The following ZDBF2 variants were observed in gnomAD, a reference collection of about 807,000 sequenced individuals.
ZDBF2 encodes zinc finger DBF-type containing 2.
A neutral mutation model predicts 9.4 loss-of-function variants in ZDBF2; 6 were observed. The observed-to-expected ratio is 0.64, with a 90% CI of 0.35 to 1.27. The LOEUF is 1.27. ZDBF2 is among the 50% of genes most tolerant of loss of function. ZDBF2 has a pLI of 0.03. For missense variants in ZDBF2, 2,697 were observed against 2,766.8 expected, an observed-to-expected ratio of 0.97 and a Z score of 0.57; for synonymous variants, 905 against 946.3, an observed-to-expected ratio of 0.96 and a Z score of 0.80.
chr2:206,277,506 AAAAT>A (rs1691080958), intron 1 of ZDBF2, among the ~76,000 whole-genome samples: 1 of 152,128 alleles, frequency 6.6e-6, no homozygotes, highest in Non-Finnish European at 1.5e-5. Flanking sequence ...ATTTTTATGA[AAAAT>A]AAATAGAATG....
At position 206,297,285 on chromosome 2, in the gene ZDBF2, AGT is replaced by A. The variant is rs1559142151; in HGVS notation, c.101_102del (p.Ser34LysfsTer8). On this transcript the variant is annotated frameshift_variant, in exon 4 of 5. Transcript: ENST00000374423. LOFTEE classifies it high-confidence loss of function. ...TCAGCACAGGAGTTTGACCAGACAGAGTAGACGTCAAATATGTACCAGTAGTT... is the reference window on the plus strand; with the variant it reads ...TCAGCACAGGAGTTTGACCAGACAGAAGACGTCAAATATGTACCAGTAGTT... ...SAQHRSLTRQ[S>X]RRQICTSSLM... is the part of the protein sequence containing the mutation. 1 of 1,567,892 alleles carries A rather than the reference AGT, an allele frequency of 6.4e-7. No individual in the cohort carries two copies. Among genetic ancestry groups the A allele is most frequent in the Non-Finnish European group, 8.8e-7 (1 of 1,137,828 alleles).
rs771519532 is a variant in ZDBF2 at position 206,310,508 on chromosome 2, G to A, written c.5980G>A (p.Ala1994Thr). ...KVKIGTVEFP[A>T]SCTKVLKPMQ... The stretch of plus-strand genomic sequence containing the variant: ...CAAAATTGGGACAGTTGAATTTCCT[G>A]CATCATGTACTAAAGTTTTGAAGCC... The change falls in exon 5 of 5, where the codon GCA becomes ACA. Residue 1994 changes from alanine (A) to threonine (T), a missense_variant. By Grantham distance (58) the Ala-to-Thr change is moderately conservative. Around this residue, in one of 3 missense-constraint regions of ZDBF2, gnomAD observed 1,783 missense variants for 1,776.5 expected, o/e 1.00. Transcript: ENST00000374423. The A allele has an allele frequency of 1.2e-6, 2 of 1,613,424 alleles. No individual in the cohort carries two copies. Among genetic ancestry groups the A allele is most frequent in the East Asian group, 4.5e-5 (2 of 44,882 alleles).
At chr2:206,289,654 G>A (rs939675194) in intron 3 of ZDBF2, among the ~76,000 whole-genome samples, 13 of 152,320 alleles carry the variant, frequency 8.5e-5, no homozygotes, top group South Asian at 2.1e-4. Context: ...TTGCAAGATG[G>A]TGTAGCCACA....
Position 206,309,102 on chromosome 2 carries a change from T to C in ZDBF2, c.4574T>C (p.Val1525Ala), listed in dbSNP as rs1692992933. The C allele has an allele frequency of 6.2e-7, 1 of 1,613,896 alleles. No homozygotes were observed. Among genetic ancestry groups the C allele is most frequent in the Non-Finnish European group, 8.5e-7 (1 of 1,179,870 alleles). Residue 1525 changes from valine (V) to alanine (A), a missense_variant, in exon 5 of 5, where the codon GTG (valine) becomes GCG (alanine). By Grantham distance (64) the Val-to-Ala change is moderately conservative (BLOSUM62 0). Around this residue, in one of 3 missense-constraint regions of ZDBF2, gnomAD observed 1,783 missense variants for 1,776.5 expected, o/e 1.00. Coordinates refer to ENST00000374423, the MANE Select transcript of ZDBF2 (RefSeq NM_020923.3). ...GSVKETHLPKVVLVDLVPGDS... is the reference protein window; with the variant it reads ...GSVKETHLPKAVLVDLVPGDS... ...GTCAAAGAAACCCACCTTCCAAAGG[T>C]GGTACTTGTGGATCTGGTGCCCGGT...
intron 4 of ZDBF2, 35 bp from the exon 5 acceptor site, chr2:206,304,682 G>T (rs1418480026): frequency 2.6e-6 from 4 of 1,556,132 alleles, no homozygotes; most frequent in Non-Finnish European, 3.5e-6. Context: ...ACAGACATTA[G>T]AATATGTTTA....
In ZDBF2 at chr2:206,309,203, GATATCAGCTGTATAAATACAGAAT is replaced by G. The variant is rs1559158558; in HGVS notation, c.4676_4699del (p.Asp1559_Cys1567delinsGly). 2 of 1,607,406 alleles carry G rather than the reference GATATCAGCTGTATAAATACAGAAT, an allele frequency of 1.2e-6. No individual in the cohort carries two copies. The highest frequency in any genetic ancestry group is 1.7e-5 in the Admixed American group (1 of 58,800). ...TGACCCACCTCAGTTGACTGTCAAAGATATCAGCTGTATAAATACAGAATGTATTGATATAGAAGATAAGAGCTG... is the reference window on the plus strand; with the variant it reads ...TGACCCACCTCAGTTGACTGTCAAAGGTATTGATATAGAAGATAAGAGCTG... On this transcript the variant is annotated inframe_deletion, in exon 5 of 5. Transcript: ENST00000374423.
chr2:206,312,328 T>C lies in ZDBF2; in HGVS notation c.*735T>C, dbSNP rs1693234865. The C allele has an allele frequency of 6.6e-6, 1 of 152,200 alleles. No individual in the cohort carries two copies. Among genetic ancestry groups the C allele is most frequent in the South Asian group, 2.1e-4 (1 of 4,826 alleles). 9.4% of individuals were successfully genotyped at this position (152,200 alleles called of 1,614,324 possible). A position where few individuals can be genotyped will look rare whatever the true frequency, so the allele number is the denominator to read the frequency against. ...CTCTTCTACATGAAGAGTTGGTGGC[T>C]TAATATGAAAATCCAGGTTATTTTG... On this transcript the variant is annotated 3_prime_UTR_variant, in exon 5 of 5. Transcript: ENST00000374423.
chr2:206,290,488 A>G (rs1451458198), intron 3 of ZDBF2, among the ~76,000 whole-genome samples: 1 of 152,214 alleles, frequency 6.6e-6, no homozygotes, highest in East Asian at 1.9e-4. Flanking sequence ...GAATAGAGGT[A>G]TGTATTTCCA....
rs148851027 is a variant in ZDBF2 at position 206,313,332 on chromosome 2, T to A, written c.*1739T>A. 6.6e-6 allele frequency: 1 copy of A among 152,214 alleles called. No homozygotes were observed. The highest frequency in any genetic ancestry group is 1.5e-5 in the Non-Finnish European group (1 of 68,030). 9.4% of individuals were successfully genotyped at this position (152,214 alleles called of 1,614,324 possible). A position where few individuals can be genotyped will look rare whatever the true frequency, so the allele number is the denominator to read the frequency against. On this transcript the variant is annotated 3_prime_UTR_variant, in exon 5 of 5. Coordinates refer to ENST00000374423, the MANE Select transcript of ZDBF2 (RefSeq NM_020923.3). Reference sequence around the variant, plus strand: ...GTAATTATGTTTAAAAACAAATGTTTTTGTCTTTAGTTGCAAAGCAGCATA... The same window carrying A: ...GTAATTATGTTTAAAAACAAATGTTATTGTCTTTAGTTGCAAAGCAGCATA...
rs771325996 is a variant in ZDBF2, at chr2:206,311,205, A to G, written c.6677A>G (p.Tyr2226Cys). Reference sequence around the variant, plus strand: ...AAACCAAGTGATATCATTAGAAAGTATATTTCGAAATACTCTGTCTTTTTA... The same window carrying G: ...AAACCAAGTGATATCATTAGAAAGTGTATTTCGAAATACTCTGTCTTTTTA... ...RTKPSDIIRK[Y>C]ISKYSVFLRH... Residue 2226 changes from tyrosine (Y) to cysteine (C), a missense_variant, in exon 5 of 5, where the codon TAT becomes TGT. This residue lies in a region of ZDBF2 where 1,783 missense variants were observed against 1,776.5 expected (regional missense o/e 1.00). Transcript: ENST00000374423. 2.7e-5 allele frequency: 43 copies of G among 1,612,412 alleles called. No individual in the cohort carries two copies. Among genetic ancestry groups the G allele is most frequent in the Middle Eastern group, 1.6e-4 (1 of 6,066 alleles).
rs755482325 is a variant in ZDBF2 at position 206,310,858 on chromosome 2, G to A, written c.6330G>A (p.Val2110=). 4 of 1,613,878 alleles carry A rather than the reference G, an allele frequency of 2.5e-6. No individual in the cohort carries two copies. ...QGSASAPLMA[V]PARYGFNSHQ... The stretch of plus-strand genomic sequence containing the variant: ...CTGCTTCAGCGCCTTTAATGGCAGT[G>A]CCGGCAAGATATGGATTTAATTCAC... Residue 2110 remains valine, a synonymous_variant, in exon 5 of 5, where the codon GTG becomes GTA. Transcript: ENST00000374423.
chr2:206,303,948 A>G (rs1337588787), intron 4 of ZDBF2, among the ~76,000 whole-genome samples: 1 of 152,208 alleles, frequency 6.6e-6, no homozygotes, highest in Non-Finnish European at 1.5e-5. Flanking sequence ...ACCAGTACCC[A>G]GTTACTGAGT....
rs1185093995 is a variant in ZDBF2, at chr2:206,274,918, C to G, written c.-131C>G. On this transcript the variant is annotated 5_prime_UTR_variant, in exon 1 of 5. Transcript: ENST00000374423. ...TCGGTCCTCGGTCTCCACCGCGGCC[C>G]GGAAGGAATCCGGGCAGCCTCCGCG... 1 of 151,432 alleles carries G rather than the reference C, an allele frequency of 6.6e-6. No homozygotes were observed. Among genetic ancestry groups the G allele is most frequent in the Non-Finnish European group, 1.5e-5 (1 of 67,814 alleles). 9.4% of individuals were successfully genotyped at this position (151,432 alleles called of 1,614,324 possible).
chr2:206,278,006 G>C (rs557807500), intron 1 of ZDBF2, among the ~76,000 whole-genome samples: 101 of 152,168 alleles, frequency 6.6e-4, no homozygotes, highest in African/African-American at 2.4e-3. Context: ...CCTATTTTAT[G>C]ATAGCATTTT....
chr2:206,295,607 C>T (rs1429908059), intron 3 of ZDBF2, among the ~76,000 whole-genome samples: 2 of 152,054 alleles, frequency 1.3e-5, no homozygotes, highest in Non-Finnish European at 2.9e-5. Flanking sequence ...CTCCTGACCT[C>T]AGGTGATCTG....
At chr2:206,300,834 A>G (rs1415973176) in intron 4 of ZDBF2, among the ~76,000 whole-genome samples, 1 of 152,138 alleles carries the variant, frequency 6.6e-6, no homozygotes, top group Non-Finnish European at 1.5e-5. Context: ...ATCATTATAG[A>G]CTCATGGATA....
rs1417256263 is a variant in ZDBF2 at position 206,310,902 on chromosome 2, C to A, written c.6374C>A (p.Ser2125Tyr). Residue 2125 changes from serine to tyrosine, a missense_variant, in exon 5 of 5, where the codon TCT becomes TAT. Coordinates refer to ENST00000374423, the MANE Select transcript of ZDBF2 (RefSeq NM_020923.3). ...GFNSHQGTSD[S>Y]SLFLEESKVL... is the part of the protein sequence containing the mutation. ...AATTCACATCAGGGAACCAGTGACT[C>A]TTCTCTGTTTCTGGAAGAATCAAAG... is the stretch of plus-strand genomic sequence containing the variant. 1.9e-6 allele frequency: 3 copies of A among 1,613,772 alleles called. No individual in the cohort carries two copies. The highest frequency in any genetic ancestry group is 1.7e-5 in the Admixed American group (1 of 59,992).
intron 3 of ZDBF2, among the ~76,000 whole-genome samples, chr2:206,295,793 C>T (rs1692142998): frequency 6.6e-6 from 1 of 152,092 alleles, no homozygotes; most frequent in African/African-American, 2.4e-5. Context: ...TTTGGTACAT[C>T]ATAGGTGCCC....
At chr2:206,300,931 T>C (rs1245959809) in intron 4 of ZDBF2, among the ~76,000 whole-genome samples, 1 of 152,210 alleles carries the variant, frequency 6.6e-6, no homozygotes, top group Admixed American at 6.5e-5. Context: ...AAGTCCTTGC[T>C]AGACACTTCC....
Sources: gnomAD v4.1 joint callset for allele counts (sites outside exome capture counted in the v4.1 genomes callset) on GRCh38, gnomAD v4.1.1 for gene constraint, gnomAD v4.1.1 regional missense constraint, MANE v1.5 for transcripts, NCBI Gene and HGNC (gene_info 2026-07-23, HGNC 2026-07-21) for gene names.